The following HADHB variants were observed in gnomAD, a reference collection of about 807,000 sequenced individuals.
The protein encoded by HADHB is trifunctional enzyme subunit beta, mitochondrial.
In HADHB, 50 loss-of-function variants were observed where a neutral mutation model predicts 61.9. The ratio of observed to expected loss-of-function variants is 0.81; its 90% confidence interval spans 0.64 to 1.02. HADHB has a LOEUF of 1.02. HADHB is among the 50% of genes least tolerant of loss of function. The pLI, the probability that HADHB is intolerant of heterozygous loss-of-function variation, is 0.00. For synonymous variants in HADHB, 191 were observed against 201.6 expected, an observed-to-expected ratio of 0.95 and a Z score of 0.45; for missense variants, 504 against 586.5, an observed-to-expected ratio of 0.86 and a Z score of 1.45.
intron 1 of HADHB, among the ~76,000 whole-genome samples, chr2:26,250,445 A>G (rs1167570307): frequency 6.6e-6 from 1 of 151,968 alleles, no homozygotes. Flanking sequence ...TATATTTTGA[A>G]TGTTTATATG....
intron 1 of HADHB, among the ~76,000 whole-genome samples, chr2:26,246,693 T>TGTA (rs536277064): frequency 3.8e-4 from 58 of 152,280 alleles, no homozygotes; most frequent in African/African-American, 1.3e-3. Context: ...GCCCGTGTGT[T>TGTA]GTAGTTTGCC....
chr2:26,274,566 A>G (rs1457633794), intron 6 of HADHB, among the ~76,000 whole-genome samples: 1 of 152,350 alleles, frequency 6.6e-6, no homozygotes, highest in Non-Finnish European at 1.5e-5. Context: ...AAGGCCTGGC[A>G]TGACTGAAGC....
intron 1 of HADHB, chr2:26,245,271 T>TGTGTGG (rs1671089057): frequency 5.9e-6 from 1 of 170,710 alleles, no homozygotes; most frequent in Non-Finnish European, 1.3e-5. Context: ...GGGGTGTGTG[T>TGTGTGG]GTGTGTGTGG....
chr2:26,249,095 G>A (rs1671282573), intron 1 of HADHB, among the ~76,000 whole-genome samples: 1 of 151,970 alleles, frequency 6.6e-6, no homozygotes, highest in South Asian at 2.1e-4. Context: ...TGTTAGTGAG[G>A]TTGAACATTA....
intron 3 of HADHB, chr2:26,255,008 A>T (rs1476634733): frequency 6.2e-6 from 1 of 161,076 alleles, no homozygotes; most frequent in Non-Finnish European, 1.4e-5. Flanking sequence ...GGTCATTTAC[A>T]CCCTTAGTAA....
intron 1 of HADHB, among the ~76,000 whole-genome samples, chr2:26,253,862 AAATAAAT>A (rs1671500897): frequency 1.6e-5 from 2 of 123,836 alleles, no homozygotes; most frequent in Middle Eastern, 4.1e-3. Context: ...TCAAAAAAAT[AAATAAAT>A]AAATAAATAA....
At chr2:26,282,251 C>CT (rs67626722) in intron 10 of HADHB, among the ~76,000 whole-genome samples, 2,259 of 106,800 alleles carry the variant, frequency 0.021, 61 homozygotes, top group South Asian at 0.046. Context: ...GCAGTTCTTT[C>CT]TTTTTTTTTT....
intron 4 of HADHB, among the ~76,000 whole-genome samples, chr2:26,265,602 A>T (rs1008295865): frequency 6.6e-6 from 1 of 152,062 alleles, no homozygotes; most frequent in Admixed American, 6.5e-5. Flanking sequence ...TCTCAAAACA[A>T]CAACAACAAC....
chr2:26,271,055 T>C (rs9631067), intron 5 of HADHB, among the ~76,000 whole-genome samples: 6 of 141,184 alleles, frequency 4.2e-5, no homozygotes, highest in South Asian at 4.7e-4. Context: ...ATTTTTTTTT[T>C]CTTTTTTTTT....
In HADHB at chr2:26,290,295, A is replaced by T. The variant is rs1673217503; in HGVS notation, c.*342A>T. On this transcript the variant is annotated 3_prime_UTR_variant, in exon 16 of 16. Transcript: ENST00000317799. The stretch of plus-strand genomic sequence containing the variant: ...ATCATCTTTGTAATATTTGCAAATT[A>T]TACTTGTTCTTATCTGTGTCCTAAA... 8.5e-6 allele frequency: 3 copies of T among 352,596 alleles called. No individual in the cohort carries two copies. The highest frequency in any genetic ancestry group is 8.6e-5 in the Admixed American group (2 of 23,370). 21.8% of individuals were successfully genotyped at this position (352,596 alleles called of 1,614,324 possible). A position where few individuals can be genotyped will look rare whatever the true frequency, so the allele number is the denominator to read the frequency against.
intron 7 of HADHB, among the ~76,000 whole-genome samples, chr2:26,277,432 C>T (rs1453556191): frequency 2.0e-5 from 3 of 151,790 alleles, no homozygotes; most frequent in Non-Finnish European, 2.9e-5. Flanking sequence ...GACGGGATCT[C>T]GCCATGTTGC....
chr2:26,284,983 G>A (rs377313341), intron 14 of HADHB, 26 bp downstream of exon 14: 405 of 1,154,386 alleles, frequency 3.5e-4, no homozygotes, highest in Non-Finnish European at 4.9e-4. Context: ...TAAAAAATGC[G>A]TGAATTTTCA....
At chr2:26,268,647 A>G (rs1434979896) in intron 4 of HADHB, among the ~76,000 whole-genome samples, 1 of 152,224 alleles carries the variant, frequency 6.6e-6, no homozygotes, top group Non-Finnish European at 1.5e-5. Context: ...AGACTGAGAA[A>G]CTGTCACAAA....
intron 1 of HADHB, among the ~76,000 whole-genome samples, chr2:26,253,744 T>C (rs1048468552): frequency 6.6e-6 from 1 of 151,686 alleles, no homozygotes; most frequent in Non-Finnish European, 1.5e-5. Context: ...TCCCAGCTAC[T>C]CGGGAGGCTG....
Position 26,277,133 on chromosome 2 carries a change from A to G in HADHB, c.415A>G (p.Ile139Val). The G allele has an allele frequency of 6.3e-7, 1 of 1,594,380 alleles. No individual in the cohort carries two copies. Among genetic ancestry groups the G allele is most frequent in the Non-Finnish European group, 8.6e-7 (1 of 1,162,288 alleles). Residue 139 changes from isoleucine to valine, a missense_variant, in exon 7 of 16, where the codon ATC becomes GTC. Coordinates refer to ENST00000317799, the MANE Select transcript of HADHB (RefSeq NM_000183.3). ...TPAHTVTMACISANQAMTTGV... is the reference protein window; with the variant it reads ...TPAHTVTMACVSANQAMTTGV... ...TGCTCACACTGTCACCATGGCTTGTATCTCTGCCAACCAAGCCATGACCAC... is the reference window on the plus strand; with the variant it reads ...TGCTCACACTGTCACCATGGCTTGTGTCTCTGCCAACCAAGCCATGACCAC...
intron 12 of HADHB, among the ~76,000 whole-genome samples, chr2:26,283,305 AC>A (rs1444010938): frequency 6.6e-6 from 1 of 152,150 alleles, no homozygotes; most frequent in Non-Finnish European, 1.5e-5. Flanking sequence ...TGGGCAGACC[AC>A]GAGGTCAGGA....
chr2:26,287,738 G>A (rs1269933217), intron 15 of HADHB, among the ~76,000 whole-genome samples: 1 of 152,164 alleles, frequency 6.6e-6, no homozygotes, highest in Non-Finnish European at 1.5e-5. Flanking sequence ...ATCTAGAGCA[G>A]GGTTTCTCAA....
At chr2:26,264,699 T>C (rs1316404767) in intron 4 of HADHB, among the ~76,000 whole-genome samples, 1 of 151,502 alleles carries the variant, frequency 6.6e-6, no homozygotes, top group Non-Finnish European at 1.5e-5. Context: ...CCTACAAATA[T>C]ATTTTCTTAC....
chr2:26,285,581 A>C lies in HADHB; in HGVS notation c.1389+10A>C, dbSNP rs1672991860. On this transcript the variant is annotated intron_variant, in intron 15 of 15. Coordinates refer to ENST00000317799, the MANE Select transcript of HADHB (RefSeq NM_000183.3). ...TGCAGCTGGAGGGCAGGTACGTTAC[A>C]GTGGTGTCATAGGACCCTCCAGAGA... The C allele has an allele frequency of 6.3e-7, 1 of 1,599,830 alleles. No individual in the cohort carries two copies. Among genetic ancestry groups the C allele is most frequent in the Admixed American group, 1.7e-5 (1 of 59,638 alleles).
Sources: gnomAD v4.1 joint callset for allele counts (sites outside exome capture counted in the v4.1 genomes callset) on GRCh38, gnomAD v4.1.1 for gene constraint, MANE v1.5 for transcripts, NCBI Gene and HGNC (gene_info 2026-07-23, HGNC 2026-07-21) for gene names.